The following CFAP299 variants were observed in gnomAD, a reference collection of about 807,000 sequenced individuals.
CFAP299 encodes cilia- and flagella-associated protein 299.
CFAP299 carries 21 observed loss-of-function variants against 27.0 expected under a neutral mutation model. The observed-to-expected ratio is 0.78, with a 90% CI of 0.55 to 1.12. CFAP299 has a LOEUF of 1.12. CFAP299 is among the 50% of genes most tolerant of loss of function. The pLI, the probability that CFAP299 is intolerant of heterozygous loss-of-function variation, is 0.00. For synonymous variants in CFAP299, 104 were observed against 98.1 expected (o/e 1.06, Z -0.36); for missense variants, 310 against 276.6 (o/e 1.12, Z -0.86).
intron 4 of CFAP299, among the ~76,000 whole-genome samples, chr4:80,936,327 A>ATATACACATTAT (rs1736886926): frequency 6.6e-6 from 1 of 152,064 alleles, no homozygotes; most frequent in Non-Finnish European, 1.5e-5. Context: ...TTATGATATA[A>ATATACACATTAT]ATGCATGTGT....
At chr4:80,941,954 C>T (rs1376724246) in intron 4 of CFAP299, among the ~76,000 whole-genome samples, 2 of 152,176 alleles carry the variant, frequency 1.3e-5, no homozygotes, top group Non-Finnish European at 2.9e-5. Context: ...CAGGCCCCAC[C>T]TCCAACATTG....
chr4:80,955,854 G>T (rs1738038447), intron 5 of CFAP299, among the ~76,000 whole-genome samples: 1 of 152,102 alleles, frequency 6.6e-6, no homozygotes, highest in Non-Finnish European at 1.5e-5. Flanking sequence ...ACAAAAATTA[G>T]CTGGGCATGG....
intron 2 of CFAP299, among the ~76,000 whole-genome samples, chr4:80,412,604 A>G (rs1726777816): frequency 6.6e-6 from 1 of 152,168 alleles, no homozygotes; most frequent in Non-Finnish European, 1.5e-5. Flanking sequence ...ATTAAGTAAG[A>G]TAACTGGGAG....
At chr4:80,450,405 T>G (rs1728841160) in intron 2 of CFAP299, among the ~76,000 whole-genome samples, 3 of 152,168 alleles carry the variant, frequency 2.0e-5, no homozygotes, top group Admixed American at 6.5e-5. Context: ...CTATGCTCAC[T>G]TAATATCACA....
In CFAP299 at chr4:80,840,175, A is replaced by G. The variant is rs530571974; in HGVS notation, c.334-29818A>G. Among the ~76,000 whole-genome samples, 3 of 152,266 alleles carry G rather than the reference A, an allele frequency of 2.0e-5. No homozygotes were observed. In the East Asian group the frequency reaches 5.8e-4, roughly 29 times the overall value. ...TACACTTTAGATTTGAGTGATCCAC[A>G]TTCAAATTAAGTTACCCATATTCAG... On this transcript the variant is annotated intron_variant, in intron 3 of 5. Coordinates refer to ENST00000358105, the MANE Select transcript of CFAP299 (RefSeq NM_152770.3).
chr4:80,698,748 C>T (rs1721274049), intron 3 of CFAP299, among the ~76,000 whole-genome samples: 1 of 152,186 alleles, frequency 6.6e-6, no homozygotes, highest in African/African-American at 2.4e-5. Flanking sequence ...AAGGCAGGCA[C>T]ATCTTACATG....
At chr4:80,921,915 T>C (rs1436980383) in intron 4 of CFAP299, among the ~76,000 whole-genome samples, 1 of 151,904 alleles carries the variant, frequency 6.6e-6, no homozygotes, top group African/African-American at 2.4e-5. Context: ...TCAAGCACAA[T>C]TCCGAGTCTA....
chr4:80,329,208 C>CACACATATATATATATATATATATAT, the CFAP299 span, among the ~76,000 whole-genome samples: 166 of 136,020 alleles, frequency 1.2e-3, 1 homozygote, highest in South Asian at 6.1e-3. Context: ...ACACTGTATA[C>CACACATATATATATATATATATATAT]ATATATATAT....
intron 3 of CFAP299, among the ~76,000 whole-genome samples, chr4:80,711,114 A>G (rs1722141952): frequency 6.6e-6 from 1 of 152,204 alleles, no homozygotes; most frequent in Admixed American, 6.5e-5. Flanking sequence ...TGTGCCCAGA[A>G]AGAGAAAGAA....
chr4:80,654,420 G>A (rs1178762491), intron 3 of CFAP299, among the ~76,000 whole-genome samples: 1 of 152,012 alleles, frequency 6.6e-6, no homozygotes, highest in Non-Finnish European at 1.5e-5. Context: ...CCTTTCTTCA[G>A]CCTTTAGGGT....
chr4:80,788,120 G>A lies in CFAP299; in HGVS notation c.334-81873G>A, dbSNP rs188977330. ...GGGATGTCAATGCTGCTAATCTGGG[G>A]ATTACACTTTGAGAATCATTTTTAT... On this transcript the variant is annotated intron_variant, in intron 3 of 5. Transcript: ENST00000358105. Among the ~76,000 whole-genome samples the A allele has an allele frequency of 3.9e-3, 588 of 152,108 alleles. 1 individual carries two copies. The highest frequency in any genetic ancestry group is 0.01 in the Middle Eastern group (3 of 294).
chr4:80,390,147 C>T (rs1725247155), intron 2 of CFAP299, among the ~76,000 whole-genome samples: 2 of 151,932 alleles, frequency 1.3e-5, no homozygotes, highest in Admixed American at 6.6e-5. Context: ...TTAAGGTCTA[C>T]TTTCTTAGCA....
chr4:80,833,114 A>G (rs72881535), intron 3 of CFAP299, among the ~76,000 whole-genome samples: 1,602 of 152,294 alleles, frequency 0.011, 27 homozygotes, highest in African/African-American at 0.036. Context: ...ATTACTCAGC[A>G]TGTGATTATA....
At chr4:80,399,924 G>A (rs1056487650) in intron 2 of CFAP299, among the ~76,000 whole-genome samples, 7 of 152,064 alleles carry the variant, frequency 4.6e-5, no homozygotes, top group Admixed American at 3.9e-4. Flanking sequence ...CTAAACCAGA[G>A]GCGTTTTTTG....
intron 4 of CFAP299, among the ~76,000 whole-genome samples, chr4:80,924,261 T>C (rs1332704555): frequency 1.3e-5 from 2 of 151,954 alleles, no homozygotes; most frequent in Non-Finnish European, 2.9e-5. Flanking sequence ...TCTATTCTTT[T>C]CTATTTCATA....
At chr4:80,705,672 G>C (rs777588492) in intron 3 of CFAP299, among the ~76,000 whole-genome samples, 2 of 151,782 alleles carry the variant, frequency 1.3e-5, no homozygotes, top group Non-Finnish European at 2.9e-5. Flanking sequence ...CCACCTAATG[G>C]TTGGGAACAC....
At chr4:80,387,034 A>C in intron 2 of CFAP299, 1 of 1,349,188 alleles carries the variant, frequency 7.4e-7, no homozygotes, top group Non-Finnish European at 1.1e-6. Context: ...TAGCGTTCAC[A>C]AGGAAACACC....
At chr4:80,495,814 G>A (rs551913246) in intron 2 of CFAP299, among the ~76,000 whole-genome samples, 8 of 152,302 alleles carry the variant, frequency 5.3e-5, no homozygotes, top group Admixed American at 2.0e-4. Flanking sequence ...CTCAGGAAAC[G>A]TACAACTTAC....
intron 4 of CFAP299, among the ~76,000 whole-genome samples, chr4:80,875,021 CTTTT>C (rs1237258184): frequency 1.3e-5 from 2 of 151,932 alleles, no homozygotes; most frequent in African/African-American, 2.4e-5. Flanking sequence ...TTACCTATTT[CTTTT>C]TATTTGTTTT....
Sources: gnomAD v4.1 joint callset for allele counts (sites outside exome capture counted in the v4.1 genomes callset) on GRCh38, gnomAD v4.1.1 for gene constraint, MANE v1.5 for transcripts, NCBI Gene and HGNC (gene_info 2026-07-23, HGNC 2026-07-21) for gene names.